The following SSH2 variants were observed in gnomAD, a reference collection of about 807,000 sequenced individuals.
SSH2 encodes slingshot protein phosphatase 2.
A neutral mutation model predicts 135.2 loss-of-function variants in SSH2; 37 were observed. The observed-to-expected ratio is 0.27, with a 90% confidence interval of 0.21 to 0.36. The LOEUF (loss-of-function observed/expected upper bound fraction) is 0.36, where lower values mean the gene tolerates loss of function less well. Among genes scored for constraint, SSH2 ranks in the 10% least tolerant of loss-of-function variants. The pLI is 1.00. For synonymous variants in SSH2, 628 were observed against 646.2 expected (o/e 0.97, Z 0.43); for missense variants, 1,408 against 1,765.3 (o/e 0.80, Z 3.63).
rs2036453141 is a variant in SSH2 at position 29,648,180 on chromosome 17, C to T, written c.1391G>A (p.Arg464Lys). Residue 464 changes from arginine (R) to lysine (K), a missense_variant, in exon 14 of 16, where the codon AGA becomes AAA. By Grantham distance (26) the Arg-to-Lys change is conservative. Around this residue, in one of 3 missense-constraint regions of SSH2, gnomAD observed 106 missense variants for 265.2 expected, o/e 0.40. Transcript: ENST00000540801. The stretch of plus-strand genomic sequence containing the variant: ...GATCCCCTGATACTCTTCCAGTTGT[C>T]TCATGAAGCTTGGGTTGGGCTTGGT... ...TVTKPNPSFM[R>K]QLEEYQGILL... is the part of the protein sequence containing the mutation. 4 of 1,614,016 alleles carry T rather than the reference C, an allele frequency of 2.5e-6. No individual in the cohort carries two copies. Among genetic ancestry groups the T allele is most frequent in the African/African-American group, 2.7e-5 (2 of 74,932 alleles).
At chr17:29,668,281 T>C (rs1410390169) in intron 9 of SSH2, among the ~76,000 whole-genome samples, 3 of 152,240 alleles carry the variant, frequency 2.0e-5, no homozygotes, top group Admixed American at 6.5e-5. Flanking sequence ...TAATTTCTCA[T>C]GAACCCTACA....
chr17:29,710,754 C>T (rs1312836537), intron 3 of SSH2, among the ~76,000 whole-genome samples: 2 of 152,130 alleles, frequency 1.3e-5, no homozygotes, highest in East Asian at 1.9e-4. Context: ...CTGGCCAAAC[C>T]CCTAAAACTG....
rs139140486 is a variant in SSH2, at chr17:29,892,431, T to C, written c.63+37507A>G. Among the ~76,000 whole-genome samples, 163 of 152,028 alleles carry C rather than the reference T, an allele frequency of 1.1e-3. 3 individuals are homozygous for C. In the East Asian group the frequency reaches 0.027, roughly 25 times the overall value. On this transcript the variant is annotated intron_variant, in intron 1 of 15. Transcript: ENST00000540801. The stretch of plus-strand genomic sequence containing the variant: ...GTCTGGTTTTCTAGTTGGAAGCAGA[T>C]AGGAAACAGCAAAGTAAAAGTAAAA...
chr17:29,870,425 G>A (rs2065920379), intron 1 of SSH2, among the ~76,000 whole-genome samples: 1 of 152,098 alleles, frequency 6.6e-6, no homozygotes, highest in Non-Finnish European at 1.5e-5. Context: ...GAGGAGAACT[G>A]GATGGCCAGG....
intron 1 of SSH2, among the ~76,000 whole-genome samples, chr17:29,916,468 T>TC (rs2066883849): frequency 6.6e-6 from 1 of 151,130 alleles, no homozygotes; most frequent in East Asian, 1.9e-4. Flanking sequence ...TTTTTTTCTT[T>TC]CTTTTTTTTT....
chr17:29,736,150 G>C (rs1045958803), intron 3 of SSH2, among the ~76,000 whole-genome samples: 1 of 152,118 alleles, frequency 6.6e-6, no homozygotes, highest in Non-Finnish European at 1.5e-5. Flanking sequence ...CATTAAGTGA[G>C]AGTTGACTTA....
chr17:29,912,340 T>C (rs1252424172), intron 1 of SSH2, among the ~76,000 whole-genome samples: 1 of 152,218 alleles, frequency 6.6e-6, no homozygotes, highest in Non-Finnish European at 1.5e-5. Context: ...AAATTTATTG[T>C]TAGATAAACC....
At chr17:29,887,707 C>G (rs769941635) in intron 1 of SSH2, among the ~76,000 whole-genome samples, 49 of 152,130 alleles carry the variant, frequency 3.2e-4, no homozygotes, top group Admixed American at 9.2e-4. Flanking sequence ...CTTTGAAGAG[C>G]AGAAACCTGG....
At chr17:29,690,481 C>T (rs1298759619) in intron 5 of SSH2, among the ~76,000 whole-genome samples, 1 of 151,290 alleles carries the variant, frequency 6.6e-6, no homozygotes, top group Admixed American at 6.6e-5. Context: ...TGATGTAAGA[C>T]TCTTGGTGAA....
At chr17:29,644,275 G>A (rs2036283864) in intron 14 of SSH2, among the ~76,000 whole-genome samples, 1 of 152,202 alleles carries the variant, frequency 6.6e-6, no homozygotes, top group Non-Finnish European at 1.5e-5. Context: ...AAGAGAGTGA[G>A]GGCAAGGTAT....
intron 1 of SSH2, among the ~76,000 whole-genome samples, chr17:29,903,821 G>C (rs1422690169): frequency 6.6e-6 from 1 of 152,134 alleles, no homozygotes; most frequent in Non-Finnish European, 1.5e-5. Context: ...AGGAAGATTT[G>C]CTACCCTTGG....
intron 3 of SSH2, among the ~76,000 whole-genome samples, chr17:29,765,751 G>T (rs567681752): frequency 6.6e-6 from 1 of 152,116 alleles, no homozygotes; most frequent in South Asian, 2.1e-4. Flanking sequence ...TGGGCATGGT[G>T]GCTTATGCCT....
intron 3 of SSH2, among the ~76,000 whole-genome samples, chr17:29,709,015 T>TATAGAGAGAGAGAGAGAGAG (rs780981175): frequency 3.4e-4 from 28 of 81,594 alleles, no homozygotes; most frequent in Non-Finnish European, 6.1e-4. Context: ...TATATATATA[T>TATAGAGAGAGAGAGAGAGAG]AGAGAGAGAG....
chr17:29,635,633 C>A (rs999308714), intron 15 of SSH2, among the ~76,000 whole-genome samples: 63 of 151,994 alleles, frequency 4.1e-4, no homozygotes, highest in Admixed American at 1.4e-3. Context: ...TGGTTTCGAT[C>A]TCCTGACCTT....
chr17:29,875,983 CAAA>C (rs547629204), intron 1 of SSH2, among the ~76,000 whole-genome samples: 4 of 71,718 alleles, frequency 5.6e-5, no homozygotes, highest in Non-Finnish European at 9.7e-5. Context: ...AAGAGGACAC[CAAA>C]AAAAAAAAAA....
intron 2 of SSH2, among the ~76,000 whole-genome samples, chr17:29,808,467 G>C (rs555271961): frequency 5.3e-5 from 8 of 152,270 alleles, no homozygotes; most frequent in African/African-American, 1.9e-4. Context: ...CAGTAGAAAA[G>C]TTATACTTTG....
chr17:29,895,789 A>G (rs62068656), intron 1 of SSH2, among the ~76,000 whole-genome samples: 1 of 95,386 alleles, frequency 1.0e-5, no homozygotes, highest in Non-Finnish European at 2.0e-5. Context: ...TGTATTTTAT[A>G]TACACATTTC....
At chr17:29,811,050 C>CG (rs2042432734) in intron 2 of SSH2, among the ~76,000 whole-genome samples, 1 of 152,040 alleles carries the variant, frequency 6.6e-6, no homozygotes, top group Admixed American at 6.5e-5. Context: ...AGGTGGAGTG[C>CG]GGTGGCACAA....
At chr17:29,718,476 A>G (rs910040125) in intron 3 of SSH2, among the ~76,000 whole-genome samples, 1 of 152,210 alleles carries the variant, frequency 6.6e-6, no homozygotes, top group African/African-American at 2.4e-5. Flanking sequence ...AGAATCAGGA[A>G]TTCAGGAACA....
Sources: gnomAD v4.1 joint callset for allele counts (sites outside exome capture counted in the v4.1 genomes callset) on GRCh38, gnomAD v4.1.1 for gene constraint, gnomAD v4.1.1 regional missense constraint, MANE v1.5 for transcripts, NCBI Gene and HGNC (gene_info 2026-07-23, HGNC 2026-07-21) for gene names.